ARHGAP1: variants seen among roughly 807,000 people sequenced by gnomAD.
ARHGAP1 encodes Rho GTPase activating protein 1.
A neutral mutation model predicts 52.2 loss-of-function variants in ARHGAP1; 23 were observed. The observed-to-expected ratio is 0.44, with a 90% CI of 0.32 to 0.62. The LOEUF (loss-of-function observed/expected upper bound fraction) is 0.62, where lower values mean the gene tolerates loss of function less well. Among genes scored for constraint, ARHGAP1 ranks in the 20% least tolerant of loss-of-function variants. The pLI, the probability that ARHGAP1 is intolerant of heterozygous loss-of-function variation, is 0.05. For missense variants in ARHGAP1, 480 were observed against 560.9 expected, an observed-to-expected ratio of 0.86 and a Z score of 1.46; for synonymous variants, 210 against 228.4, an observed-to-expected ratio of 0.92 and a Z score of 0.73.
At chr11:46,698,910 C>T (rs945794705) in intron 1 of ARHGAP1, among the ~76,000 whole-genome samples, 5 of 152,150 alleles carry the variant, frequency 3.3e-5, no homozygotes, top group African/African-American at 1.2e-4. Context: ...AGGAAGCTAG[C>T]ACAGGGAAAT....
In ARHGAP1 at chr11:46,695,765, A is replaced by C; in HGVS notation, c.134-10T>G. On this transcript the variant is annotated splice_polypyrimidine_tract_variant and intron_variant, in intron 2 of 12. Coordinates refer to ENST00000311956, the MANE Select transcript of ARHGAP1 (RefSeq NM_004308.5). ...CTGCTTTTGGAGTCATCTGAGGAACACAGCAGGGTCAGGGGACAAGCCAGG... is the reference window on the plus strand; with the variant it reads ...CTGCTTTTGGAGTCATCTGAGGAACCCAGCAGGGTCAGGGGACAAGCCAGG... 6.4e-7 allele frequency: 1 copy of C among 1,552,768 alleles called. No individual in the cohort carries two copies. Among genetic ancestry groups the C allele is most frequent in the Non-Finnish European group, 8.7e-7 (1 of 1,147,418 alleles).
chr11:46,680,808 C>CA lies in ARHGAP1; in HGVS notation c.636-62dup. ...TGGCTCTGGAGTCACTCTGCCAATT[C>CA]AATCAAGCATTGACCACGCGGGGTC... On this transcript the variant is annotated intron_variant, in intron 7 of 12. Transcript: ENST00000311956. This position sits in a 1 kb window ranked among gnomAD's most constrained non-coding sequence, Gnocchi z 5.9. The CA allele has an allele frequency of 7.5e-7, 1 of 1,335,134 alleles. No individual in the cohort carries two copies. Among genetic ancestry groups the CA allele is most frequent in the Non-Finnish European group, 1.0e-6 (1 of 977,092 alleles). The allele number at this position is 1,335,134 out of a possible 1,614,324, so 82.7% of individuals were successfully genotyped here. A position where few individuals can be genotyped will look rare whatever the true frequency, so the allele number is the denominator to read the frequency against.
chr11:46,677,094 T>C lies in ARHGAP1; in HGVS notation c.*1943A>G, dbSNP rs184809558. On this transcript the variant is annotated 3_prime_UTR_variant, in exon 13 of 13. Coordinates refer to ENST00000311956, the MANE Select transcript of ARHGAP1 (RefSeq NM_004308.5). Reference sequence around the variant, plus strand: ...CAGATGAGCAGTTTTGCATCAACATTTTTATTGAAATACAAAAAGTGCAAA... The same window carrying C: ...CAGATGAGCAGTTTTGCATCAACATCTTTATTGAAATACAAAAAGTGCAAA... The C allele has an allele frequency of 1.3e-5, 2 of 152,744 alleles. No homozygotes were observed. The highest frequency in any genetic ancestry group is 4.8e-5 in the African/African-American group (2 of 41,562). 9.5% of individuals were successfully genotyped at this position (152,744 alleles called of 1,614,324 possible). A position where few individuals can be genotyped will look rare whatever the true frequency, so the allele number is the denominator to read the frequency against.
At chr11:46,691,146 T>C (rs1300003353) in intron 3 of ARHGAP1, among the ~76,000 whole-genome samples, 1 of 152,100 alleles carries the variant, frequency 6.6e-6, no homozygotes, top group Non-Finnish European at 1.5e-5. Context: ...GGGATTACAG[T>C]TGCGTACCAT....
chr11:46,689,866 C>G (rs1349360007), intron 3 of ARHGAP1, among the ~76,000 whole-genome samples: 1 of 152,140 alleles, frequency 6.6e-6, no homozygotes, highest in African/African-American at 2.4e-5. Flanking sequence ...AAAATGCTCA[C>G]TAAAGCATTT....
Position 46,678,799 on chromosome 11 carries a change from G to A in ARHGAP1, c.*238C>T. Reference sequence around the variant, plus strand: ...TGGAAGAGCCAAGCCCAGCTCTGGAGAGCCCAGCAAAAGCCCGGTGTCCAG... The same window carrying A: ...TGGAAGAGCCAAGCCCAGCTCTGGAAAGCCCAGCAAAAGCCCGGTGTCCAG... On this transcript the variant is annotated 3_prime_UTR_variant, in exon 13 of 13. Transcript: ENST00000311956. The A allele has an allele frequency of 1.8e-6, 1 of 551,528 alleles. No individual in the cohort carries two copies. Among genetic ancestry groups the A allele is most frequent in the East Asian group, 3.2e-5 (1 of 31,262 alleles). 34.2% of individuals were successfully genotyped at this position (551,528 alleles called of 1,614,324 possible). A position where few individuals can be genotyped will look rare whatever the true frequency, so the allele number is the denominator to read the frequency against.
Position 46,683,686 on chromosome 11 carries a change from G to A in ARHGAP1, c.318-1504C>T, listed in dbSNP as rs375494287. The stretch of plus-strand genomic sequence containing the variant: ...ATGGAGTTTTGCTCTTGTTGCCCAG[G>A]CTGGAGTGCAGTGGCATGATCTCGG... On this transcript the variant is annotated intron_variant, in intron 4 of 12. Coordinates refer to ENST00000311956, the MANE Select transcript of ARHGAP1 (RefSeq NM_004308.5). Among the ~76,000 whole-genome samples, 207 of 151,696 alleles carry A rather than the reference G, an allele frequency of 1.4e-3. 4 individuals are homozygous for A. In the South Asian group the frequency reaches 0.042, roughly 31 times the overall value.
At position 46,681,227 on chromosome 11, in the gene ARHGAP1, GC is replaced by G. The variant is rs944581092; in HGVS notation, c.536+65del. The G allele has an allele frequency of 6.4e-7, 1 of 1,556,926 alleles. No homozygotes were observed. The highest frequency in any genetic ancestry group is 8.9e-7 in the Non-Finnish European group (1 of 1,128,358). Reference sequence around the variant, plus strand: ...AGCCGCACCTGGTGGTCCCCAGGCTGCCCAGCCTCCCAGCTTCAGAGTTCCA... The same window carrying G: ...AGCCGCACCTGGTGGTCCCCAGGCTGCCAGCCTCCCAGCTTCAGAGTTCCA... On this transcript the variant is annotated intron_variant, in intron 6 of 12. Transcript: ENST00000311956. The surrounding 1 kb of genome is among the most constrained non-coding windows in gnomAD (Gnocchi z 5.7).
chr11:46,680,328 G>T lies in ARHGAP1; in HGVS notation c.821-46C>A. ...GTGAGCCTCCGAGCGCTGGGCACCGGCTGGATTCCCTGCCCCTTCTCTGTC... is the reference window on the plus strand; with the variant it reads ...GTGAGCCTCCGAGCGCTGGGCACCGTCTGGATTCCCTGCCCCTTCTCTGTC... On this transcript the variant is annotated intron_variant, in intron 9 of 12. Transcript: ENST00000311956. This position sits in a 1 kb window ranked among gnomAD's most constrained non-coding sequence, Gnocchi z 5.9. 6.2e-7 allele frequency: 1 copy of T among 1,601,744 alleles called. No individual in the cohort carries two copies. Among genetic ancestry groups the T allele is most frequent in the Non-Finnish European group, 8.6e-7 (1 of 1,169,236 alleles).
chr11:46,681,452 C>CTTT lies in ARHGAP1; in HGVS notation c.450-76_450-74dup. ...TGCCACGCTAGGGTCCCAGTGCATA[C>CTTT]TTTTTTTTTTTGAGACAGAGTCTCC... is the stretch of plus-strand genomic sequence containing the variant. On this transcript the variant is annotated intron_variant, in intron 5 of 12. Transcript: ENST00000311956. This position sits in a 1 kb window ranked among gnomAD's most constrained non-coding sequence, Gnocchi z 5.7. The CTTT allele has an allele frequency of 2.2e-6, 2 of 912,498 alleles. No individual in the cohort carries two copies. Among genetic ancestry groups the CTTT allele is most frequent in the East Asian group, 3.1e-5 (1 of 32,692 alleles). 56.5% of individuals were successfully genotyped at this position (912,498 alleles called of 1,614,324 possible).
In ARHGAP1 at chr11:46,680,793, GTCAC is replaced by G; in HGVS notation, c.636-50_636-47del. On this transcript the variant is annotated intron_variant, in intron 7 of 12. Transcript: ENST00000311956. This position sits in a 1 kb window ranked among gnomAD's most constrained non-coding sequence, Gnocchi z 5.9. ...GGGTCAGGTCCTGCCTGGCTCTGGA[GTCAC>G]TCTGCCAATTCAATCAAGCATTGAC... 1 of 1,399,938 alleles carries G rather than the reference GTCAC, an allele frequency of 7.1e-7. No individual in the cohort carries two copies. Among genetic ancestry groups the G allele is most frequent in the Non-Finnish European group, 9.7e-7 (1 of 1,033,504 alleles). 86.7% of individuals were successfully genotyped at this position (1,399,938 alleles called of 1,614,324 possible).
Position 46,695,663 on chromosome 11 carries a change from C to A in ARHGAP1, c.226G>T (p.Ala76Ser), listed in dbSNP as rs928722782. The change falls in exon 3 of 13, where the codon GCA (alanine) becomes TCA (serine). Residue 76 changes from alanine to serine, a missense_variant. By Grantham distance (99) the Ala-to-Ser change is moderately conservative. Coordinates refer to ENST00000311956, the MANE Select transcript of ARHGAP1 (RefSeq NM_004308.5). The stretch of plus-strand genomic sequence containing the variant: ...AAATAGTGTTGGGTGTGCTTACCTG[C>A]CACCTCCACGATCTGGTGCCGGGCG... ...DIARHQIVEVAGDDKYGRKII... is the reference protein window; with the variant it reads ...DIARHQIVEVSGDDKYGRKII... The A allele has an allele frequency of 5.8e-6, 9 of 1,551,608 alleles. No individual in the cohort carries two copies. Among genetic ancestry groups the A allele is most frequent in the Non-Finnish European group, 7.8e-6 (9 of 1,146,970 alleles).
Position 46,681,950 on chromosome 11 carries a change from C to A in ARHGAP1, c.449+101G>T. On this transcript the variant is annotated intron_variant, in intron 5 of 12. Transcript: ENST00000311956. This position sits in a 1 kb window ranked among gnomAD's most constrained non-coding sequence, Gnocchi z 5.7. ...ACGTAGACGGCAGCCCCCGCCACCCCCTGCCTTGGAATAAGCTCCTGCCCA... is the reference window on the plus strand; with the variant it reads ...ACGTAGACGGCAGCCCCCGCCACCCACTGCCTTGGAATAAGCTCCTGCCCA... 1 of 1,540,084 alleles carries A rather than the reference C, an allele frequency of 6.5e-7. No homozygotes were observed. Among genetic ancestry groups the A allele is most frequent in the Non-Finnish European group, 8.8e-7 (1 of 1,132,518 alleles).
Position 46,680,937 on chromosome 11 carries a change from C to T in ARHGAP1, c.635+74G>A, listed in dbSNP as rs77205260. On this transcript the variant is annotated intron_variant, in intron 7 of 12. Coordinates refer to ENST00000311956, the MANE Select transcript of ARHGAP1 (RefSeq NM_004308.5). The surrounding 1 kb of genome is among the most constrained non-coding windows in gnomAD (Gnocchi z 5.9). ...ACGGGCTTGCTCTGCCTAAGCCCCACGCGGTCTCTGAATCAGGACACACGT... is the reference window on the plus strand; with the variant it reads ...ACGGGCTTGCTCTGCCTAAGCCCCATGCGGTCTCTGAATCAGGACACACGT... 4.4e-3 allele frequency: 6,182 copies of T among 1,390,544 alleles called. 213 individuals are homozygous for T. The African/African-American group carries it at 0.078, about 17-fold the overall frequency. The allele number at this position is 1,390,544 out of a possible 1,614,324, so 86.1% of individuals were successfully genotyped here.
At chr11:46,698,133 G>A in intron 1 of ARHGAP1, among the ~76,000 whole-genome samples, 1 of 152,248 alleles carries the variant, frequency 6.6e-6, no homozygotes. Context: ...TGATGAGGTA[G>A]TATGGAGAGC....
In ARHGAP1 at chr11:46,679,867, C is replaced by G; in HGVS notation, c.899-91G>C. The G allele has an allele frequency of 6.4e-7, 1 of 1,573,054 alleles. No homozygotes were observed. Among genetic ancestry groups the G allele is most frequent in the Non-Finnish European group, 8.6e-7 (1 of 1,162,490 alleles). On this transcript the variant is annotated intron_variant, in intron 10 of 12. Coordinates refer to ENST00000311956, the MANE Select transcript of ARHGAP1 (RefSeq NM_004308.5). The surrounding 1 kb of genome is among the most constrained non-coding windows in gnomAD (Gnocchi z 4.4). ...CGCGGGCCGCACTGCCTGACTGCCC[C>G]TGGACACTGCATAAGCCCCTCCTCC...
At chr11:46,688,053 G>A in intron 4 of ARHGAP1, 120 bp downstream of exon 4, 1 of 891,824 alleles carries the variant, frequency 1.1e-6, no homozygotes, top group Non-Finnish European at 1.7e-6. Flanking sequence ...ATGAGAAGAG[G>A]GAAGGCATTA....
intron 4 of ARHGAP1, among the ~76,000 whole-genome samples, chr11:46,686,414 G>A (rs2064568751): frequency 6.6e-6 from 1 of 152,048 alleles, no homozygotes; most frequent in African/African-American, 2.4e-5. Flanking sequence ...TTGATTCCAA[G>A]CTTCAGGCAC....
chr11:46,684,724 A>G (rs1473690340), intron 4 of ARHGAP1, among the ~76,000 whole-genome samples: 8 of 152,236 alleles, frequency 5.3e-5, no homozygotes, highest in Admixed American at 5.2e-4. Flanking sequence ...AGCATATTTG[A>G]TGTCAATAAA....
Sources: gnomAD v4.1 joint callset for allele counts (sites outside exome capture counted in the v4.1 genomes callset) on GRCh38, gnomAD v4.1.1 for gene constraint, Gnocchi (gnomAD v3.1) non-coding constraint, MANE v1.5 for transcripts, NCBI Gene and HGNC (gene_info 2026-07-23, HGNC 2026-07-21) for gene names.